SLC5A1: variants seen among roughly 807,000 people sequenced by gnomAD.
SLC5A1 encodes sodium/glucose cotransporter 1.
A neutral mutation model predicts 73.5 loss-of-function variants in SLC5A1; 42 were observed. The observed-to-expected ratio is 0.57, with a 90% CI of 0.45 to 0.74. The LOEUF (loss-of-function observed/expected upper bound fraction) is 0.74, where lower values mean the gene tolerates loss of function less well. Among genes scored for constraint, SLC5A1 ranks in the 30% least tolerant of loss-of-function variants. SLC5A1 has a pLI of 0.00. For synonymous variants in SLC5A1, 300 were observed against 317.4 expected, an observed-to-expected ratio of 0.95 and a Z score of 0.58; for missense variants, 634 against 855.4, an observed-to-expected ratio of 0.74 and a Z score of 3.23.
rs181867607 is a variant in SLC5A1 at position 32,046,742 on chromosome 22, A to T, written c.136-3201A>T. Among the ~76,000 whole-genome samples, 33 of 152,346 alleles carry T rather than the reference A, an allele frequency of 2.2e-4. 2 individuals are homozygous for T. In the East Asian group the frequency reaches 6.4e-3, roughly 29 times the overall value. On this transcript the variant is annotated intron_variant, in intron 1 of 14. Coordinates refer to ENST00000266088, the MANE Select transcript of SLC5A1 (RefSeq NM_000343.4). ...TAAAGTTCTTCCTTTCTGCTCAATGATATTTGTATTCCATGGAGATAGAAC... is the reference window on the plus strand; with the variant it reads ...TAAAGTTCTTCCTTTCTGCTCAATGTTATTTGTATTCCATGGAGATAGAAC...
intron 6 of SLC5A1, among the ~76,000 whole-genome samples, chr22:32,082,625 G>A (rs1254049083): frequency 6.6e-6 from 1 of 152,162 alleles, no homozygotes; most frequent in East Asian, 1.9e-4. Flanking sequence ...CTGCCTCCTT[G>A]GTGGGGGTGG....
At position 32,056,572 on chromosome 22, in the gene SLC5A1, G is replaced by A. The variant is rs2093952296; in HGVS notation, c.207+6558G>A. Among the ~76,000 whole-genome samples, 6 of 150,930 alleles carry A rather than the reference G, an allele frequency of 4.0e-5. No homozygotes were observed. The Admixed American group carries it at 4.0e-4, about 10-fold the overall frequency. On this transcript the variant is annotated intron_variant, in intron 2 of 14. Transcript: ENST00000266088. Reference sequence around the variant, plus strand: ...AGGCAGACTTAACTGTATATCTCGTGTTCTGATTATGTTAAAGTTTAAGGA... The same window carrying A: ...AGGCAGACTTAACTGTATATCTCGTATTCTGATTATGTTAAAGTTTAAGGA...
At chr22:32,067,303 T>C (rs368555274) in intron 3 of SLC5A1, among the ~76,000 whole-genome samples, 2 of 152,150 alleles carry the variant, frequency 1.3e-5, no homozygotes, top group Non-Finnish European at 2.9e-5. Context: ...CTTCTAGCCA[T>C]GTTTGAGGTT....
At chr22:32,107,152 A>G (rs1433496105) in intron 14 of SLC5A1, among the ~76,000 whole-genome samples, 1 of 152,166 alleles carries the variant, frequency 6.6e-6, no homozygotes, top group Non-Finnish European at 1.5e-5. Flanking sequence ...TGCTGAAAAC[A>G]GCCCCTTCCT....
chr22:32,044,002 G>C (rs1002969403), intron 1 of SLC5A1, among the ~76,000 whole-genome samples: 1 of 152,144 alleles, frequency 6.6e-6, no homozygotes, highest in Non-Finnish European at 1.5e-5. Flanking sequence ...GGTGGAAAAG[G>C]AGGAGGAGGA....
At chr22:32,104,937 T>C in intron 14 of SLC5A1, 46 bp downstream of exon 14, 1 of 1,306,584 alleles carries the variant, frequency 7.7e-7, no homozygotes, top group Non-Finnish European at 1.1e-6. Flanking sequence ...AAGTTACTCC[T>C]ACAACAACAA....
rs33954397 is a variant in SLC5A1, at chr22:32,110,156, C to T, written c.1938C>T (p.Asn646=). The T allele has an allele frequency of 0.066, 106,026 of 1,613,880 alleles. 3,950 individuals are homozygous for T. Among genetic ancestry groups the T allele is most frequent in the Non-Finnish European group, 0.077 (90,713 of 1,179,788 alleles). The change falls in exon 15 of 15, where the codon AAC becomes AAT. Residue 646 remains asparagine, a synonymous_variant. Transcript: ENST00000266088. ...SEKPLWRTVL[N]VNGIILVTVA... is the part of the protein sequence containing the mutation. ...AGCCTTTGTGGAGGACAGTGTTGAA[C>T]GTCAATGGCATCATCCTGGTGACCG...
intron 2 of SLC5A1, among the ~76,000 whole-genome samples, chr22:32,052,603 A>G (rs2093946528): frequency 6.6e-6 from 1 of 151,898 alleles, no homozygotes; most frequent in Non-Finnish European, 1.5e-5. Context: ...AACAATTCCT[A>G]CCTCTTCTGG....
chr22:32,068,879 G>C (rs182934200), intron 5 of SLC5A1, among the ~76,000 whole-genome samples: 92 of 152,216 alleles, frequency 6.0e-4, no homozygotes, highest in Non-Finnish European at 1.2e-3. Context: ...GTTAGGGATG[G>C]AATTCCCTAT....
chr22:32,108,538 G>T (rs1354743093), intron 14 of SLC5A1, among the ~76,000 whole-genome samples: 1 of 147,478 alleles, frequency 6.8e-6, no homozygotes, highest in Non-Finnish European at 1.5e-5. Context: ...GAGTGTGTGA[G>T]ACAAAAGAGA....
intron 14 of SLC5A1, among the ~76,000 whole-genome samples, chr22:32,107,986 T>C (rs2094049358): frequency 6.6e-6 from 1 of 152,198 alleles, no homozygotes; most frequent in Non-Finnish European, 1.5e-5. Flanking sequence ...ATAAACACTT[T>C]AGTGATTCAT....
intron 1 of SLC5A1, among the ~76,000 whole-genome samples, chr22:32,049,119 A>ATATATATATAATCAT (rs2093941251): frequency 6.9e-6 from 1 of 144,180 alleles, no homozygotes; most frequent in Admixed American, 7.0e-5. Context: ...TATAATCATT[A>ATATATATATAATCAT]TATATATATA....
intron 11 of SLC5A1, among the ~76,000 whole-genome samples, chr22:32,092,333 C>A (rs1444579971): frequency 1.3e-5 from 2 of 152,166 alleles, no homozygotes; most frequent in East Asian, 1.9e-4. Context: ...ACCATAATTT[C>A]TTTATCCACT....
chr22:32,096,484 T>C (rs535230163), intron 11 of SLC5A1, among the ~76,000 whole-genome samples: 2 of 152,334 alleles, frequency 1.3e-5, no homozygotes, highest in East Asian at 3.9e-4. Flanking sequence ...CATGTGCCTC[T>C]GATGACTTGA....
chr22:32,063,098 G>A (rs2093966204), intron 2 of SLC5A1, among the ~76,000 whole-genome samples: 1 of 151,942 alleles, frequency 6.6e-6, no homozygotes, highest in Non-Finnish European at 1.5e-5. Flanking sequence ...TTCTTATAAG[G>A]ACACCAATCC....
At chr22:32,088,531 G>A (rs28532565) in intron 10 of SLC5A1, among the ~76,000 whole-genome samples, 1,800 of 152,070 alleles carry the variant, frequency 0.012, 32 homozygotes, top group African/African-American at 0.041. Context: ...TACAGACGGG[G>A]TTTCACCACA....
chr22:32,104,971 A>C, intron 14 of SLC5A1, 80 bp downstream of exon 14: 1 of 1,034,164 alleles, frequency 9.7e-7, no homozygotes, highest in East Asian at 2.4e-5. Flanking sequence ...TTCTTCCCTA[A>C]ATAATTTTAT....
At chr22:32,091,310 C>CAT (rs1284978764) in intron 10 of SLC5A1, among the ~76,000 whole-genome samples, 1 of 113,436 alleles carries the variant, frequency 8.8e-6, no homozygotes, top group Non-Finnish European at 2.1e-5. Flanking sequence ...CACACACACA[C>CAT]ACACACACAC....
At position 32,084,475 on chromosome 22, in the gene SLC5A1, A is replaced by G; in HGVS notation, c.701A>G (p.Glu234Gly). ...GTGGGAGGCTATGACGCCTTCATGG[A>G]AAAGTACATGAAAGCCATTCCAACC... ...HEVGGYDAFM[E>G]KYMKAIPTIV... The change falls in exon 8 of 15, where the codon GAA (glutamate) becomes GGA (glycine). Residue 234 changes from glutamate to glycine, a missense_variant. Coordinates refer to ENST00000266088, the MANE Select transcript of SLC5A1 (RefSeq NM_000343.4). 6.2e-7 allele frequency: 1 copy of G among 1,614,234 alleles called. No individual in the cohort carries two copies.
Sources: allele counts gnomAD v4.1 joint callset (sites outside exome capture counted in the v4.1 genomes callset), GRCh38; gene constraint gnomAD v4.1.1; transcripts MANE v1.5; gene names NCBI Gene and HGNC (gene_info 2026-07-23, HGNC 2026-07-21).